CTNNA3: variants seen among roughly 807,000 people sequenced by gnomAD.
The protein encoded by CTNNA3 is catenin alpha-3.
Under a neutral mutation model 95.7 loss-of-function variants are expected in CTNNA3, and 76 were observed. The observed-to-expected ratio is 0.79, with a 90% CI of 0.66 to 0.96. The LOEUF (loss-of-function observed/expected upper bound fraction) is 0.96, where lower values mean the gene tolerates loss of function less well. CTNNA3 is among the 40% of genes least tolerant of loss of function. CTNNA3 has a pLI of 0.00. For missense variants in CTNNA3, 1,191 were observed against 1,089.8 expected (o/e 1.09, Z -1.31); for synonymous variants, 431 against 374.4 (o/e 1.15, Z -1.74).
At chr10:65,962,515 C>T (rs1258055024) in intron 17 of CTNNA3, among the ~76,000 whole-genome samples, 2 of 152,192 alleles carry the variant, frequency 1.3e-5, no homozygotes, top group African/African-American at 4.8e-5. Flanking sequence ...CCATTCTCAT[C>T]AATATTGCCC....
chr10:67,036,030 T>A (rs1462856473), intron 7 of CTNNA3, among the ~76,000 whole-genome samples: 2 of 152,232 alleles, frequency 1.3e-5, no homozygotes, highest in Admixed American at 6.5e-5. Flanking sequence ...GTTAACAGTA[T>A]GGCTACTGAA....
At chr10:66,008,351 G>A (rs1233322185) in intron 15 of CTNNA3, among the ~76,000 whole-genome samples, 1 of 152,112 alleles carries the variant, frequency 6.6e-6, no homozygotes, top group African/African-American at 2.4e-5. Flanking sequence ...CCACTTAATT[G>A]GAAAAAAATA....
chr10:67,691,019 G>A (rs1053127579), intron 1 of CTNNA3, among the ~76,000 whole-genome samples: 4 of 152,176 alleles, frequency 2.6e-5, no homozygotes, highest in Non-Finnish European at 4.4e-5. Context: ...AGCCTGCCGA[G>A]TGCCTGCGAT....
chr10:67,329,108 A>G (rs1423234418), intron 5 of CTNNA3, among the ~76,000 whole-genome samples: 1 of 152,220 alleles, frequency 6.6e-6, no homozygotes, highest in Admixed American at 6.5e-5. Flanking sequence ...GCAAGGGCTC[A>G]TGCCTATAAT....
chr10:67,591,124 G>T (rs1361813858), intron 3 of CTNNA3, among the ~76,000 whole-genome samples: 1 of 152,096 alleles, frequency 6.6e-6, no homozygotes, highest in Non-Finnish European at 1.5e-5. Flanking sequence ...GAAGTCAAAA[G>T]AATGTTGCAG....
intron 11 of CTNNA3, among the ~76,000 whole-genome samples, chr10:66,405,573 T>C (rs1471956716): frequency 6.6e-6 from 1 of 152,130 alleles, no homozygotes; most frequent in Non-Finnish European, 1.5e-5. Context: ...ATATGAGTAA[T>C]ATAAGAATCC....
intron 7 of CTNNA3, among the ~76,000 whole-genome samples, chr10:67,159,710 C>A (rs1298883059): frequency 6.6e-6 from 1 of 151,942 alleles, no homozygotes; most frequent in African/African-American, 2.4e-5. Context: ...ACAACATATA[C>A]AAAAATCATC....
intron 9 of CTNNA3, among the ~76,000 whole-genome samples, chr10:66,719,373 A>G (rs934543915): frequency 2.6e-5 from 4 of 152,196 alleles, no homozygotes; most frequent in Non-Finnish European, 5.9e-5. Flanking sequence ...GTTACACTTG[A>G]ACTTTCTGAC....
At chr10:67,661,748 A>G (rs1307685937) in intron 1 of CTNNA3, among the ~76,000 whole-genome samples, 1 of 152,228 alleles carries the variant, frequency 6.6e-6, no homozygotes, top group Admixed American at 6.5e-5. Flanking sequence ...ATCTTACCAA[A>G]GAAAATATAT....
chr10:67,763,363 G>C (rs1212192904), intron 1 of CTNNA3, among the ~76,000 whole-genome samples: 3 of 152,086 alleles, frequency 2.0e-5, no homozygotes, highest in Non-Finnish European at 2.9e-5. Context: ...ACAATTAAAT[G>C]GGTGTAGACA....
In CTNNA3 at chr10:66,810,054, C is replaced by T. The variant is rs552570766; in HGVS notation, c.1048-34530G>A. Among the ~76,000 whole-genome samples the T allele has an allele frequency of 4.6e-5, 7 of 152,282 alleles. No individual in the cohort carries two copies. The South Asian group carries it at 1.5e-3, about 32-fold the overall frequency. ...CCCTGACCCCAGGTGATCCACCTGC[C>T]TCGGCCTCTCAAAGTGCTGGGATTG... On this transcript the variant is annotated intron_variant, in intron 7 of 17. Transcript: ENST00000433211.
intron 2 of CTNNA3, among the ~76,000 whole-genome samples, chr10:67,609,090 CAAAAAAAAAA>C (rs397977100): frequency 2.5e-5 from 2 of 79,688 alleles, no homozygotes; most frequent in African/African-American, 4.4e-5. Context: ...AACTCTATCT[CAAAAAAAAAA>C]AAAAAAAAAA....
intron 11 of CTNNA3, among the ~76,000 whole-genome samples, chr10:66,402,742 G>A (rs541980271): frequency 6.6e-5 from 10 of 152,268 alleles, no homozygotes; most frequent in African/African-American, 2.2e-4. Flanking sequence ...AGCCAAGGAA[G>A]TTAGAGTTCC....
intron 5 of CTNNA3, among the ~76,000 whole-genome samples, chr10:67,262,815 A>C (rs1050555053): frequency 6.6e-6 from 1 of 152,206 alleles, no homozygotes; most frequent in Non-Finnish European, 1.5e-5. Flanking sequence ...GTTAAAAATG[A>C]GAATGCAAAA....
In CTNNA3 at chr10:66,441,540, C is replaced by T. The variant is rs116386297; in HGVS notation, c.1532-62188G>A. ...TAAATATTGCTTTGCTATTCCAAGA[C>T]TAAATAATTAAGAACTCTTCCAATT... is the stretch of plus-strand genomic sequence containing the variant. On this transcript the variant is annotated intron_variant, in intron 11 of 17. Coordinates refer to ENST00000433211, the MANE Select transcript of CTNNA3 (RefSeq NM_013266.4). Among the ~76,000 whole-genome samples the T allele has an allele frequency of 7.0e-3, 1,068 of 152,246 alleles. 10 individuals are homozygous for T. The highest frequency in any genetic ancestry group is 0.024 in the African/African-American group (1,017 of 41,552).
At chr10:66,449,389 C>T (rs1158716313) in intron 11 of CTNNA3, among the ~76,000 whole-genome samples, 1 of 152,028 alleles carries the variant, frequency 6.6e-6, no homozygotes, top group African/African-American at 2.4e-5. Flanking sequence ...ACGTCAAATA[C>T]CACAGGCACG....
rs184127709 is a variant in CTNNA3, at chr10:66,855,842, G to T, written c.1048-80318C>A. Among the ~76,000 whole-genome samples the T allele has an allele frequency of 2.4e-3, 363 of 152,002 alleles. 2 individuals are homozygous for T. Among genetic ancestry groups the T allele is most frequent in the South Asian group, 0.012 (58 of 4,808 alleles). ...AACATCATGAACCAACACATGCAAG[G>T]GTAAGTGCAAGACTAGTAACACATG... On this transcript the variant is annotated intron_variant, in intron 7 of 17. Transcript: ENST00000433211.
At chr10:67,167,494 T>C (rs2132104966) in intron 7 of CTNNA3, among the ~76,000 whole-genome samples, 1 of 152,364 alleles carries the variant, frequency 6.6e-6, no homozygotes, top group Admixed American at 6.5e-5. Context: ...CCTAGAATGT[T>C]ACTTCTGCCA....
At position 66,845,575 on chromosome 10, in the gene CTNNA3, C is replaced by T. The variant is rs574560501; in HGVS notation, c.1048-70051G>A. ...AAAATTAGCCTGGCGTGGTGACAGG[C>T]GCCTGTAATCCCAGCTACTCAGGAG... On this transcript the variant is annotated intron_variant, in intron 7 of 17. Transcript: ENST00000433211. 3.3e-4 allele frequency among the ~76,000 whole-genome samples: 50 copies of T among 151,408 alleles called. No homozygotes were observed. In the South Asian group the frequency reaches 3.8e-3, roughly 11 times the overall value.
Sources: allele counts gnomAD v4.1 joint callset (sites outside exome capture counted in the v4.1 genomes callset), GRCh38; gene constraint gnomAD v4.1.1; transcripts MANE v1.5; gene names NCBI Gene and HGNC (gene_info 2026-07-23, HGNC 2026-07-21).